The following LBR variants were observed in gnomAD, a reference collection of about 807,000 sequenced individuals.
LBR encodes lamin B receptor, also known as delta(14)-sterol reductase LBR.
A neutral mutation model predicts 74.3 loss-of-function variants in LBR; 28 were observed. That is an observed-to-expected ratio of 0.38 (90% CI 0.28 to 0.52). The LOEUF (loss-of-function observed/expected upper bound fraction) is 0.52, where lower values mean the gene tolerates loss of function less well. LBR is among the 20% of genes least tolerant of loss of function. The pLI is 0.89. For synonymous variants in LBR, 228 were observed against 269.3 expected (o/e 0.85, Z 1.50); for missense variants, 717 against 760.3 (o/e 0.94, Z 0.67).
At chr1:225,416,874 G>A (rs1441473144) in intron 6 of LBR, among the ~76,000 whole-genome samples, 2 of 152,244 alleles carry the variant, frequency 1.3e-5, no homozygotes, top group East Asian at 3.9e-4. Flanking sequence ...ATGCACACAG[G>A]TTATATGCAA....
intron 1 of LBR, among the ~76,000 whole-genome samples, chr1:225,426,290 A>T (rs2096138989): frequency 6.6e-6 from 1 of 152,246 alleles, no homozygotes; most frequent in African/African-American, 2.4e-5. Context: ...CACAGGAGTG[A>T]AATAGCCAGG....
chr1:225,413,512 T>G (rs1352296227), intron 7 of LBR, among the ~76,000 whole-genome samples: 1 of 152,272 alleles, frequency 6.6e-6, no homozygotes, highest in Non-Finnish European at 1.5e-5. Flanking sequence ...TAGCTGTTAT[T>G]TATATGAGAA....
intron 7 of LBR, among the ~76,000 whole-genome samples, chr1:225,413,408 G>A (rs904898210): frequency 6.6e-6 from 1 of 152,204 alleles, no homozygotes; most frequent in African/African-American, 2.4e-5. Context: ...TAAAGAAATA[G>A]TTTTGCTTTC....
At chr1:225,418,259 G>C (rs1220569935) in intron 5 of LBR, 79 bp from the exon 6 acceptor site, 1 of 1,430,106 alleles carries the variant, frequency 7.0e-7, no homozygotes, top group Admixed American at 1.9e-5. Context: ...GATTTGTTAA[G>C]ATCAGAACTC....
At chr1:225,426,051 T>A (rs531116437) in intron 1 of LBR, among the ~76,000 whole-genome samples, 1 of 152,242 alleles carries the variant, frequency 6.6e-6, no homozygotes, top group African/African-American at 2.4e-5. Context: ...TTAACACATA[T>A]GGTGGATACC....
chr1:225,427,261 T>C (rs985158632), intron 1 of LBR: 2 of 152,172 alleles, frequency 1.3e-5, no homozygotes, highest in Admixed American at 1.3e-4. Flanking sequence ...TAGAACATTT[T>C]TCTGAACCCT....
intron 1 of LBR, 146 bp downstream of exon 1, chr1:225,427,808 G>C (rs370777176): frequency 6.6e-6 from 1 of 152,230 alleles, no homozygotes. Context: ...AGGAGGCGAG[G>C]AGAGGAGGGG....
At chr1:225,420,252 T>C (rs2096125315) in intron 3 of LBR, among the ~76,000 whole-genome samples, 2 of 149,930 alleles carry the variant, frequency 1.3e-5, no homozygotes, top group South Asian at 4.3e-4. Flanking sequence ...GAGGTTGCAT[T>C]GAGCCAAGAC....
At chr1:225,407,339 T>C (rs1163952350) in intron 10 of LBR, among the ~76,000 whole-genome samples, 1 of 152,224 alleles carries the variant, frequency 6.6e-6, no homozygotes, top group East Asian at 1.9e-4. Flanking sequence ...TGGAGAGAAG[T>C]GTTCAAAATA....
At position 225,404,479 on chromosome 1, in the gene LBR, C is replaced by T. The variant is rs2096087332; in HGVS notation, c.1612G>A (p.Gly538Arg). The T allele has an allele frequency of 2.5e-6, 4 of 1,613,794 alleles. No individual in the cohort carries two copies. The highest frequency in any genetic ancestry group is 3.3e-5 in the Admixed American group (2 of 59,996). Reference protein sequence around the residue: ...TSTGKNLLVSGWWGFVRHPNY... With the variant: ...TSTGKNLLVSRWWGFVRHPNY... The stretch of plus-strand genomic sequence containing the variant: ...GGGTGGCGAACAAAGCCCCACCATC[C>T]AGAAACTAGAAGATTTTTTCCCGTT... Residue 538 changes from glycine to arginine, a missense_variant, in exon 13 of 14, where the codon GGA (glycine) becomes AGA (arginine). By Grantham distance (125) the Gly-to-Arg change is moderately radical. Coordinates refer to ENST00000272163, the MANE Select transcript of LBR (RefSeq NM_002296.4).
intron 13 of LBR, 100 bp from the exon 14 acceptor site, chr1:225,403,563 G>A (rs2096085551): frequency 1.1e-6 from 1 of 883,384 alleles, no homozygotes; most frequent in Non-Finnish European, 1.8e-6. Flanking sequence ...GAACCACAAG[G>A]TACTTCATTT....
chr1:225,403,324 A>T lies in LBR; in HGVS notation c.1827T>A (p.Arg609=). Residue 609 remains arginine (R), a synonymous_variant, in exon 14 of 14, where the codon CGT becomes CGA. Transcript: ENST00000272163. ...WEKYCQRVPY[R]IFPYIY Reference sequence around the variant, plus strand: ...AGCATTAGTAGATGTATGGAAATATACGGTAGGGCACACGCTGACAGTACT... The same window carrying T: ...AGCATTAGTAGATGTATGGAAATATTCGGTAGGGCACACGCTGACAGTACT... 1 of 1,613,970 alleles carries T rather than the reference A, an allele frequency of 6.2e-7. No homozygotes were observed. The highest frequency in any genetic ancestry group is 2.2e-5 in the East Asian group (1 of 44,864).
intron 1 of LBR, among the ~76,000 whole-genome samples, chr1:225,425,093 T>C (rs1177637583): frequency 1.3e-5 from 2 of 152,176 alleles, no homozygotes; most frequent in East Asian, 3.9e-4. Flanking sequence ...TCCAAGCCTA[T>C]CAATGTACAT....
Position 225,403,379 on chromosome 1 carries a change from C to G in LBR, c.1772G>C (p.Cys591Ser). 1 of 1,613,334 alleles carries G rather than the reference C, an allele frequency of 6.2e-7. No individual in the cohort carries two copies. The highest frequency in any genetic ancestry group is 8.5e-7 in the Non-Finnish European group (1 of 1,179,702). The change falls in exon 14 of 14, where the codon TGT (cysteine) becomes TCT (serine). Residue 591 changes from cysteine to serine, a missense_variant. Cys to Ser is a moderately radical substitution (Grantham distance 112). Coordinates refer to ENST00000272163, the MANE Select transcript of LBR (RefSeq NM_002296.4). ...VHREARDEYH[C>S]KKKYGVAWEK... ...CCAAGCCACGCCGTATTTCTTCTTA[C>G]AGTGGTACTCGTCACGAGCTTCTCG... is the stretch of plus-strand genomic sequence containing the variant.
Position 225,401,825 on chromosome 1 carries a change from C to T in LBR, c.*1478G>A, listed in dbSNP as rs2096082537. ...CACTAAAAGAATGTTTAAAGACTAC[C>T]GGATGCTGGAGCAAACCAACTTCAT... On this transcript the variant is annotated 3_prime_UTR_variant, in exon 14 of 14. Coordinates refer to ENST00000272163, the MANE Select transcript of LBR (RefSeq NM_002296.4). 6.6e-6 allele frequency: 1 copy of T among 152,198 alleles called. No homozygotes were observed. Among genetic ancestry groups the T allele is most frequent in the African/African-American group, 2.4e-5 (1 of 41,450 alleles). The allele number at this position is 152,198 out of a possible 1,614,324, so 9.4% of individuals were successfully genotyped here.
At chr1:225,425,279 A>G (rs188856416) in intron 1 of LBR, among the ~76,000 whole-genome samples, 2 of 152,180 alleles carry the variant, frequency 1.3e-5, no homozygotes, top group Non-Finnish European at 1.5e-5. Flanking sequence ...TTTCACTGTT[A>G]ATCGTCTGTG....
Position 225,409,068 on chromosome 1 carries a change from C to G in LBR, c.1314+1223G>C, listed in dbSNP as rs1197175225. Among the ~76,000 whole-genome samples, 3 of 152,366 alleles carry G rather than the reference C, an allele frequency of 2.0e-5. No individual in the cohort carries two copies. In the East Asian group the frequency reaches 5.8e-4, roughly 29 times the overall value. On this transcript the variant is annotated intron_variant, in intron 10 of 13. Coordinates refer to ENST00000272163, the MANE Select transcript of LBR (RefSeq NM_002296.4). ...ATTCATTCTATAACAGCAAACAAAG[C>G]TACACTGGTAACAGTAAGTGCATTT... is the stretch of plus-strand genomic sequence containing the variant.
intron 8 of LBR, 102 bp downstream of exon 8, chr1:225,412,352 C>T: frequency 9.8e-7 from 1 of 1,025,632 alleles, no homozygotes; most frequent in South Asian, 1.4e-5. Context: ...TCTTCATTTC[C>T]CAAAAATGAA....
chr1:225,408,384 G>A (rs1241794471), intron 10 of LBR, among the ~76,000 whole-genome samples: 2 of 152,200 alleles, frequency 1.3e-5, no homozygotes, highest in Non-Finnish European at 2.9e-5. Flanking sequence ...CAAATTGGTG[G>A]GAGCAGATAA....
Sources: gnomAD v4.1 joint callset for allele counts (sites outside exome capture counted in the v4.1 genomes callset) on GRCh38, gnomAD v4.1.1 for gene constraint, MANE v1.5 for transcripts, NCBI Gene and HGNC (gene_info 2026-07-23, HGNC 2026-07-21) for gene names.